SOX6: variants seen among roughly 807,000 people sequenced by gnomAD.
SOX6 encodes SRY-box transcription factor 6, also known as transcription factor SOX-6.
Under a neutral mutation model 97.8 loss-of-function variants are expected in SOX6, and 11 were observed. That is an observed-to-expected ratio of 0.11 (90% CI 0.07 to 0.19). The LOEUF is 0.19. Ranked by LOEUF, SOX6 falls within the 10% of genes least tolerant of loss-of-function variation. SOX6 has a pLI of 1.00. For synonymous variants in SOX6, 360 were observed against 371.4 expected (o/e 0.97, Z 0.35); for missense variants, 810 against 1,039.5 (o/e 0.78, Z 3.04).
At chr11:15,999,475 C>G (rs576619094) in intron 13 of SOX6, among the ~76,000 whole-genome samples, 1 of 152,020 alleles carries the variant, frequency 6.6e-6, no homozygotes, top group African/African-American at 2.4e-5. Flanking sequence ...TATATCCATA[C>G]AATGGGATAC....
At chr11:16,734,308 C>T (rs2134061878) in intron 2 of SOX6, among the ~76,000 whole-genome samples, 1 of 152,246 alleles carries the variant, frequency 6.6e-6, no homozygotes, top group East Asian at 1.9e-4. Flanking sequence ...CTGTGTTAGA[C>T]CCTAGAGTTG....
chr11:16,003,162 C>T (rs932767356), intron 13 of SOX6, among the ~76,000 whole-genome samples: 7 of 152,030 alleles, frequency 4.6e-5, no homozygotes, highest in Admixed American at 6.6e-5. Context: ...GATGGCTTTC[C>T]GTGACCTGGC....
chr11:16,389,946 G>C (rs1441337722), intron 1 of SOX6, among the ~76,000 whole-genome samples: 1 of 117,368 alleles, frequency 8.5e-6, no homozygotes, highest in Non-Finnish European at 1.7e-5. Flanking sequence ...GTCTAGCCTG[G>C]GCGACAGGGC....
At chr11:16,329,718 A>G (rs962741513) in intron 2 of SOX6, among the ~76,000 whole-genome samples, 1 of 152,228 alleles carries the variant, frequency 6.6e-6, no homozygotes, top group African/African-American at 2.4e-5. Context: ...GTGGCATTAC[A>G]TAGTAAGTGA....
At chr11:16,225,030 G>A (rs1331766304) in intron 4 of SOX6, among the ~76,000 whole-genome samples, 1 of 151,952 alleles carries the variant, frequency 6.6e-6, no homozygotes, top group East Asian at 1.9e-4. Flanking sequence ...GAAAATACTG[G>A]CAAACATTAT....
At chr11:16,259,973 G>GTGTGTGTGTGTA (rs71044090) in intron 3 of SOX6, among the ~76,000 whole-genome samples, 24 of 145,166 alleles carry the variant, frequency 1.7e-4, no homozygotes, top group African/African-American at 3.7e-4. Flanking sequence ...GTGTGTGTGT[G>GTGTGTGTGTGTA]TATATATACA....
At chr11:16,390,951 A>G (rs1402768353) in intron 1 of SOX6, among the ~76,000 whole-genome samples, 1 of 152,246 alleles carries the variant, frequency 6.6e-6, no homozygotes, top group African/African-American at 2.4e-5. Flanking sequence ...CCAAACGTCC[A>G]TCAATGATAC....
chr11:16,385,799 C>T (rs908367339), intron 1 of SOX6, among the ~76,000 whole-genome samples: 2 of 152,168 alleles, frequency 1.3e-5, no homozygotes, highest in African/African-American at 4.8e-5. Flanking sequence ...GCAACTGCCA[C>T]ATCATTTGTG....
chr11:16,729,658 G>A (rs1332454353), intron 2 of SOX6, among the ~76,000 whole-genome samples: 1 of 152,106 alleles, frequency 6.6e-6, no homozygotes. Context: ...ACACTATGAA[G>A]AAACTGCATC....
chr11:16,145,692 T>C (rs1850273713), intron 6 of SOX6, among the ~76,000 whole-genome samples: 1 of 152,104 alleles, frequency 6.6e-6, no homozygotes, highest in Non-Finnish European at 1.5e-5. Flanking sequence ...TCACAAGCAT[T>C]CTCATACACC....
At chr11:16,255,633 T>C (rs993473893) in intron 3 of SOX6, among the ~76,000 whole-genome samples, 3 of 151,932 alleles carry the variant, frequency 2.0e-5, no homozygotes, top group South Asian at 2.1e-4. Flanking sequence ...ACAGCATCAA[T>C]CTAAAAGCGA....
rs1231165894 is a variant in SOX6 at position 16,055,878 on chromosome 11, G to A, written c.1125C>T (p.Ala375=). 1 of 1,613,670 alleles carries A rather than the reference G, an allele frequency of 6.2e-7. No homozygotes were observed. ...TTGCTCCAGGTGACACCTGCATGCT[G>A]GCCAGCTGAGCGGCATAGAGCTGCT... The part of the protein sequence containing the change: ...QIEQLYAAQL[A]SMQVSPGAKM... Residue 375 remains alanine (A), a synonymous_variant, in exon 10 of 16, where the codon GCC becomes GCT. Coordinates refer to ENST00000683767, the MANE Select transcript of SOX6 (RefSeq NM_001367873.1).
chr11:16,477,865 G>T (rs1299234851), upstream of SOX6, among the ~76,000 whole-genome samples: 1 of 152,060 alleles, frequency 6.6e-6, no homozygotes, highest in Non-Finnish European at 1.5e-5. Context: ...CAACTCTAAC[G>T]CCTACTTCCA....
At chr11:16,125,871 G>GAAGA (rs1849597928) in intron 6 of SOX6, among the ~76,000 whole-genome samples, 2 of 150,168 alleles carry the variant, frequency 1.3e-5, no homozygotes, top group Non-Finnish European at 3.0e-5. Context: ...AGGAAGGAAG[G>GAAGA]AAGGAAAGTT....
rs530591504 is a variant in SOX6 at position 16,320,846 on chromosome 11, CA to C, written c.238-2194del. 8.5e-5 allele frequency among the ~76,000 whole-genome samples: 13 copies of C among 152,172 alleles called. No individual in the cohort carries two copies. The East Asian group carries it at 2.3e-3, about 27-fold the overall frequency. On this transcript the variant is annotated intron_variant, in intron 2 of 15. Coordinates refer to ENST00000683767, the MANE Select transcript of SOX6 (RefSeq NM_001367873.1). ...TTTTTCTGCATACCCATTGCTAGTA[CA>C]ATGCCCAGAATAGAGCAGCTCAATA...
intron 3 of SOX6, among the ~76,000 whole-genome samples, chr11:16,668,346 C>A (rs1804598967): frequency 6.6e-6 from 1 of 152,090 alleles, no homozygotes; most frequent in South Asian, 2.1e-4. Flanking sequence ...GCACTCCAGT[C>A]TGGGTGACAC....
rs1400716232 is a variant in SOX6 at position 16,524,106 on chromosome 11, A to G, written n.610-47718T>C. On this transcript the variant is annotated intron_variant and non_coding_transcript_variant, in intron 4 of 5. Coordinates refer to the SOX6 transcript ENST00000524520. ...CTATTCCAATCAATAGAAAAAGAGG[A>G]AATCCTCCCTAACTCATTTTATGAG... 4.6e-5 allele frequency among the ~76,000 whole-genome samples: 7 copies of G among 152,168 alleles called. No individual in the cohort carries two copies. The South Asian group carries it at 6.2e-4, about 13-fold the overall frequency.
At chr11:16,022,206 T>C (rs1295237016) in intron 12 of SOX6, among the ~76,000 whole-genome samples, 1 of 152,150 alleles carries the variant, frequency 6.6e-6, no homozygotes, top group Non-Finnish European at 1.5e-5. Context: ...TGTTGCTAAG[T>C]ATCTCAAAGC....
intron 4 of SOX6, among the ~76,000 whole-genome samples, chr11:16,491,284 T>C (rs1860507305): frequency 6.6e-6 from 1 of 152,174 alleles, no homozygotes; most frequent in Non-Finnish European, 1.5e-5. Context: ...TATATAAAAC[T>C]ATCACAAATA....
Sources: gnomAD v4.1 joint callset for allele counts (sites outside exome capture counted in the v4.1 genomes callset) on GRCh38, gnomAD v4.1.1 for gene constraint, MANE v1.5 for transcripts, NCBI Gene and HGNC (gene_info 2026-07-23, HGNC 2026-07-21) for gene names.